Variants in GOLIM4 observed in about 807,000 individuals in gnomAD.
The protein encoded by GOLIM4 is 130 kDa golgi-localized phosphoprotein.
Under a neutral mutation model 107.4 loss-of-function variants are expected in GOLIM4, and 71 were observed. The ratio of observed to expected loss-of-function variants is 0.66; its 90% confidence interval spans 0.55 to 0.81. GOLIM4 has a LOEUF of 0.81. GOLIM4 is among the 30% of genes least tolerant of loss of function. The pLI is 0.00. For missense variants in GOLIM4, 830 were observed against 826.1 expected (o/e 1.00, Z -0.06); for synonymous variants, 327 against 294.8 (o/e 1.11, Z -1.12).
At chr3:168,059,819 G>T (rs374684406) in intron 1 of GOLIM4, among the ~76,000 whole-genome samples, 71 of 152,132 alleles carry the variant, frequency 4.7e-4, no homozygotes, top group African/African-American at 1.6e-3. Flanking sequence ...ATATTTCAGT[G>T]GGGACATGTG....
At chr3:168,092,049 A>T (rs1384928791) in intron 1 of GOLIM4, among the ~76,000 whole-genome samples, 2 of 152,210 alleles carry the variant, frequency 1.3e-5, no homozygotes, top group African/African-American at 4.8e-5. Flanking sequence ...CACCCCCCAT[A>T]GACTGTTATT....
In GOLIM4 at chr3:168,095,323, G is replaced by A. The variant is rs748834477; in HGVS notation, c.-38C>T. 3 of 1,581,096 alleles carry A rather than the reference G, an allele frequency of 1.9e-6. No homozygotes were observed. Among genetic ancestry groups the A allele is most frequent in the East Asian group, 2.3e-5 (1 of 43,650 alleles). ...ACCCAAAGCCGCGGCCGCCCCCGCC[G>A]TCTCCTCCCCTTGGTCCGAGCGAGC... On this transcript the variant is annotated 5_prime_UTR_variant, in exon 1 of 16. It adds an upstream start codon to the 5' untranslated region. Transcript: ENST00000470487.
At chr3:168,041,080 T>G in intron 6 of GOLIM4, 1 of 501,558 alleles carries the variant, frequency 2.0e-6, no homozygotes, top group Non-Finnish European at 3.5e-6. Flanking sequence ...TCATAATCAT[T>G]TATTTACAAT....
Position 168,016,243 on chromosome 3 carries a change from A to G in GOLIM4, c.1861-5420T>C, listed in dbSNP as rs1184351922. Among the ~76,000 whole-genome samples the G allele has an allele frequency of 6.1e-3, 744 of 122,710 alleles. 11 individuals carry two copies. The highest frequency in any genetic ancestry group is 0.029 in the African/African-American group (522 of 18,272). The allele number at this position is 122,710 out of a possible 152,430, so 80.5% of individuals were successfully genotyped here. ...AAAAGTGGGCGAAGGACATGAACAG[A>G]CACTTCTCAAAAGAAGACATTTATG... is the stretch of plus-strand genomic sequence containing the variant. On this transcript the variant is annotated intron_variant, in intron 14 of 15. Coordinates refer to ENST00000470487, the MANE Select transcript of GOLIM4 (RefSeq NM_014498.5).
chr3:168,073,211 G>A (rs1243702061), intron 1 of GOLIM4, among the ~76,000 whole-genome samples: 3 of 152,166 alleles, frequency 2.0e-5, no homozygotes, highest in African/African-American at 2.4e-5. Context: ...CATATGATCC[G>A]TATCATAGTC....
chr3:168,026,440 C>G (rs1010657813), intron 12 of GOLIM4, among the ~76,000 whole-genome samples: 1 of 152,122 alleles, frequency 6.6e-6, no homozygotes, highest in Non-Finnish European at 1.5e-5. Context: ...TCAAATAAAA[C>G]AGAAAGAGAG....
intron 1 of GOLIM4, among the ~76,000 whole-genome samples, chr3:168,092,089 T>C (rs191391007): frequency 2.3e-4 from 35 of 152,328 alleles, no homozygotes; most frequent in African/African-American, 7.7e-4. Context: ...CAGGTGATAC[T>C]AATGGGCAGT....
intron 1 of GOLIM4, among the ~76,000 whole-genome samples, chr3:168,061,809 G>A (rs910905930): frequency 2.0e-5 from 3 of 152,098 alleles, no homozygotes; most frequent in East Asian, 1.9e-4. Flanking sequence ...GGCAGCGGTC[G>A]GGCAATAACT....
Position 168,060,458 on chromosome 3 carries a change from C to T in GOLIM4, c.188-12093G>A, listed in dbSNP as rs1471787405. 5.9e-5 allele frequency among the ~76,000 whole-genome samples: 9 copies of T among 152,108 alleles called. 1 individual carries two copies. The highest frequency in any genetic ancestry group is 1.3e-4 in the Admixed American group (2 of 15,278). On this transcript the variant is annotated intron_variant, in intron 1 of 15. Coordinates refer to ENST00000470487, the MANE Select transcript of GOLIM4 (RefSeq NM_014498.5). The stretch of plus-strand genomic sequence containing the variant: ...ATGTTATCAGCTGAGATGGGGAAGG[C>T]CAATGACATCATAGTTTTGTGAGGA...
chr3:168,078,925 C>T (rs760036208), intron 1 of GOLIM4, among the ~76,000 whole-genome samples: 20 of 147,022 alleles, frequency 1.4e-4, no homozygotes, highest in Non-Finnish European at 2.8e-4. Context: ...GTGTTTTGAA[C>T]ATTTAAGTTT....
chr3:168,093,328 A>C (rs568306626), intron 1 of GOLIM4, among the ~76,000 whole-genome samples: 1 of 152,326 alleles, frequency 6.6e-6, no homozygotes, highest in African/African-American at 2.4e-5. Flanking sequence ...GGATGAACTT[A>C]CTCGCCACAG....
intron 1 of GOLIM4, among the ~76,000 whole-genome samples, chr3:168,073,993 G>C (rs1366057883): frequency 6.6e-6 from 1 of 152,160 alleles, no homozygotes; most frequent in Non-Finnish European, 1.5e-5. Flanking sequence ...ACCAAGATGA[G>C]GTTATAAAAA....
intron 3 of GOLIM4, among the ~76,000 whole-genome samples, chr3:168,046,187 A>G (rs1483553577): frequency 6.6e-6 from 1 of 152,168 alleles, no homozygotes; most frequent in Non-Finnish European, 1.5e-5. Flanking sequence ...CTTAGTTTTA[A>G]TACCCCAAAA....
intron 1 of GOLIM4, among the ~76,000 whole-genome samples, chr3:168,093,544 A>T (rs1722011112): frequency 6.6e-6 from 1 of 152,198 alleles, no homozygotes; most frequent in South Asian, 2.1e-4. Context: ...TAGTCCTGTT[A>T]TACTATTAGA....
chr3:168,075,380 T>G (rs1343611871), intron 1 of GOLIM4, among the ~76,000 whole-genome samples: 3 of 135,704 alleles, frequency 2.2e-5, no homozygotes, highest in Admixed American at 8.0e-5. Flanking sequence ...CACTGCAAGC[T>G]CCGCCTCCCG....
intron 1 of GOLIM4, among the ~76,000 whole-genome samples, chr3:168,080,162 G>A: frequency 6.6e-6 from 1 of 152,126 alleles, no homozygotes; most frequent in East Asian, 1.9e-4. Flanking sequence ...AATATGATTA[G>A]AGCTGCGGAG....
chr3:168,057,884 G>C (rs1577549791), intron 1 of GOLIM4, among the ~76,000 whole-genome samples: 1 of 152,234 alleles, frequency 6.6e-6, no homozygotes, highest in Non-Finnish European at 1.5e-5. Flanking sequence ...ACTTGGAAGA[G>C]ATTTCATTCT....
intron 14 of GOLIM4, among the ~76,000 whole-genome samples, chr3:168,013,747 G>A (rs542754911): frequency 6.0e-5 from 9 of 150,764 alleles, no homozygotes; most frequent in South Asian, 4.2e-4. Context: ...ACTCAAAACC[G>A]CTCAACTACA....
intron 9 of GOLIM4, among the ~76,000 whole-genome samples, 171 bp downstream of exon 9, chr3:168,032,349 G>A (rs957911276): frequency 2.0e-5 from 3 of 152,274 alleles, no homozygotes; most frequent in East Asian, 1.9e-4. Context: ...TGAGGTATGC[G>A]AATAGCTATG....
Sources: gnomAD v4.1 joint callset for allele counts (sites outside exome capture counted in the v4.1 genomes callset) on GRCh38, gnomAD v4.1.1 for gene constraint, MANE v1.5 for transcripts, NCBI Gene and HGNC (gene_info 2026-07-23, HGNC 2026-07-21) for gene names.